Variants in ZNF143 observed in about 807,000 individuals in gnomAD.
ZNF143 encodes zinc finger protein 143.
Under a neutral mutation model 74.1 loss-of-function variants are expected in ZNF143, and 49 were observed. The ratio of observed to expected loss-of-function variants is 0.66; its 90% CI spans 0.53 to 0.84. The LOEUF is 0.84. Ranked by LOEUF, ZNF143 falls within the 40% of genes least tolerant of loss-of-function variation. The pLI is 0.00. For missense variants in ZNF143, 637 were observed against 793.4 expected, an observed-to-expected ratio of 0.80 and a Z score of 2.37; for synonymous variants, 304 against 282.8, an observed-to-expected ratio of 1.07 and a Z score of -0.75.
intron 7 of ZNF143, among the ~76,000 whole-genome samples, chr11:9,486,363 TTATATATAATATATTATATATATAA>T (rs1213726315): frequency 9.9e-4 from 41 of 41,246 alleles, no homozygotes; most frequent in African/African-American, 4.4e-3. Flanking sequence ...TATATATATA[TTATATATAATATATTATATATATAA>T]TATATATAAT....
chr11:9,462,963 T>C (rs1297174082), intron 1 of ZNF143, among the ~76,000 whole-genome samples: 2 of 152,176 alleles, frequency 1.3e-5, no homozygotes, highest in African/African-American at 4.8e-5. Context: ...AAAGAAACTA[T>C]ACCCGTTAGC....
chr11:9,496,419 G>C, intron 9 of ZNF143, 41 bp downstream of exon 9: 1 of 1,559,274 alleles, frequency 6.4e-7, no homozygotes, highest in African/African-American at 1.4e-5. Context: ...TTCCAATTAG[G>C]GGTCAAGTAG....
At chr11:9,515,312 G>C (rs1479549562) in intron 13 of ZNF143, among the ~76,000 whole-genome samples, 1 of 151,908 alleles carries the variant, frequency 6.6e-6, no homozygotes, top group Non-Finnish European at 1.5e-5. Context: ...GAAAAATAAG[G>C]ATCTAAATTA....
intron 15 of ZNF143, among the ~76,000 whole-genome samples, chr11:9,525,696 T>C (rs998029702): frequency 1.3e-5 from 2 of 152,122 alleles, no homozygotes; most frequent in East Asian, 3.9e-4. Context: ...CAGGGGTCTG[T>C]AAAGCACTTA....
intron 15 of ZNF143, among the ~76,000 whole-genome samples, chr11:9,526,149 A>G (rs1849119191): frequency 6.6e-6 from 1 of 151,988 alleles, no homozygotes; most frequent in Admixed American, 6.6e-5. Flanking sequence ...ATCTCAAAAA[A>G]TAAGAGACCA....
At chr11:9,491,639 A>G (rs1454476261) in intron 7 of ZNF143, among the ~76,000 whole-genome samples, 2 of 148,996 alleles carry the variant, frequency 1.3e-5, no homozygotes, top group Non-Finnish European at 3.0e-5. Flanking sequence ...CTCCGTCTCA[A>G]AAAAAAAAAA....
At chr11:9,467,737 C>T (rs1268442858) in intron 1 of ZNF143, among the ~76,000 whole-genome samples, 1 of 151,244 alleles carries the variant, frequency 6.6e-6, no homozygotes, top group Non-Finnish European at 1.5e-5. Flanking sequence ...ATCCCAGTTA[C>T]TCAGGAGGCT....
At chr11:9,472,615 A>G (rs539403931) in intron 2 of ZNF143, 62 bp from the exon 3 acceptor site, 1 of 1,428,932 alleles carries the variant, frequency 7.0e-7, no homozygotes, top group East Asian at 2.3e-5. Context: ...ATTTGAAAAA[A>G]AAATTAATCA....
In ZNF143 at chr11:9,464,899, G is replaced by A. The variant is rs140483529; in HGVS notation, c.-8+3823G>A. On this transcript the variant is annotated intron_variant, in intron 1 of 15. Transcript: ENST00000396602. ...GATCGCGTCACTGTATTCCAGCCTG[G>A]GCGACAGAGGGAGACTCTGTCTCAA... Among the ~76,000 whole-genome samples the A allele has an allele frequency of 4.9e-3, 747 of 152,078 alleles. 6 individuals are homozygous for A. Among genetic ancestry groups the A allele is most frequent in the African/African-American group, 0.017 (717 of 41,474 alleles).
chr11:9,484,518 A>G (rs1031948661), intron 7 of ZNF143, among the ~76,000 whole-genome samples: 1 of 149,296 alleles, frequency 6.7e-6, no homozygotes, highest in African/African-American at 2.5e-5. Context: ...CCCAGCCTGA[A>G]CCTTGCTTTT....
intron 8 of ZNF143, 109 bp downstream of exon 8, chr11:9,494,874 A>C: frequency 8.6e-7 from 1 of 1,156,336 alleles, no homozygotes; most frequent in Non-Finnish European, 1.2e-6. Flanking sequence ...CCAGTTATCA[A>C]GATACTGGCA....
Position 9,528,152 on chromosome 11 carries a change from T to A in ZNF143, c.*539T>A, listed in dbSNP as rs1396134925. On this transcript the variant is annotated 3_prime_UTR_variant, in exon 16 of 16. Coordinates refer to ENST00000396602, the MANE Select transcript of ZNF143 (RefSeq NM_003442.6). Reference sequence around the variant, plus strand: ...ATGGTTTGCAGACTGTTTGAATAATTTATAGTTTCCCATCCCTGTTAAAAA... The same window carrying A: ...ATGGTTTGCAGACTGTTTGAATAATATATAGTTTCCCATCCCTGTTAAAAA... The A allele has an allele frequency of 6.6e-6, 1 of 152,634 alleles. No homozygotes were observed. The highest frequency in any genetic ancestry group is 1.5e-5 in the Non-Finnish European group (1 of 68,034). The allele number at this position is 152,634 out of a possible 1,614,324, so 9.5% of individuals were successfully genotyped here.
At chr11:9,522,996 T>G (rs1848992549) in intron 14 of ZNF143, among the ~76,000 whole-genome samples, 1 of 152,102 alleles carries the variant, frequency 6.6e-6, no homozygotes, top group Non-Finnish European at 1.5e-5. Flanking sequence ...CTCGAACTCC[T>G]GACCTCAGGT....
chr11:9,501,040 A>G (rs1848139520), intron 10 of ZNF143, 51 bp from the exon 11 acceptor site: 1 of 1,589,504 alleles, frequency 6.3e-7, no homozygotes, highest in South Asian at 1.1e-5. Context: ...AGACATTTTA[A>G]TCCTCTATAT....
Position 9,527,949 on chromosome 11 carries a change from G to A in ZNF143, c.*336G>A, listed in dbSNP as rs1443427290. ...TCTTATGATGGATTTTTAACTTCCC[G>A]TGGAAAAAAAAATAAAGGCTGTATC... On this transcript the variant is annotated 3_prime_UTR_variant, in exon 16 of 16. Transcript: ENST00000396602. 2.4e-5 allele frequency: 4 copies of A among 168,458 alleles called. No individual in the cohort carries two copies. The highest frequency in any genetic ancestry group is 1.3e-4 in the Admixed American group (2 of 15,896). The allele number at this position is 168,458 out of a possible 1,614,324, so 10.4% of individuals were successfully genotyped here.
intron 1 of ZNF143, among the ~76,000 whole-genome samples, chr11:9,462,551 C>T (rs972680121): frequency 1.5e-5 from 2 of 134,814 alleles, no homozygotes; most frequent in Non-Finnish European, 3.4e-5. Flanking sequence ...TGACAGAGAC[C>T]GGTCTCGAAA....
At chr11:9,525,158 T>G in intron 14 of ZNF143, 82 bp from the exon 15 acceptor site, 2 of 1,506,494 alleles carry the variant, frequency 1.3e-6, no homozygotes, top group Non-Finnish European at 1.8e-6. Flanking sequence ...TTTGAAGAAA[T>G]CCATTGTATT....
At chr11:9,480,367 C>A (rs907649561) in intron 7 of ZNF143, among the ~76,000 whole-genome samples, 1 of 152,044 alleles carries the variant, frequency 6.6e-6, no homozygotes, top group African/African-American at 2.4e-5. Context: ...GCAATTTTCT[C>A]TAATATTTTG....
Position 9,478,446 on chromosome 11 carries a change from T to C in ZNF143, c.430T>C (p.Tyr144His), listed in dbSNP as rs1847106179. The change falls in exon 6 of 16, where the codon TAT (tyrosine) becomes CAT (histidine). Residue 144 changes from tyrosine to histidine, a missense_variant. By Grantham distance (83) the Tyr-to-His change is moderately conservative (BLOSUM62 2). This residue lies in a region of ZNF143 where 293 missense variants were observed against 307.8 expected (regional missense o/e 0.95). Transcript: ENST00000396602. ...TCAGCTGGAAGATGGTACCACAGCT[T>C]ATATCCACCATGCAGTGCAAGTCCC... is the stretch of plus-strand genomic sequence containing the variant. ...AVQLEDGTTA[Y>H]IHHAVQVPQS... 1 of 1,614,150 alleles carries C rather than the reference T, an allele frequency of 6.2e-7. No homozygotes were observed. The highest frequency in any genetic ancestry group is 8.5e-7 in the Non-Finnish European group (1 of 1,180,036).
Sources: gnomAD v4.1 joint callset for allele counts (sites outside exome capture counted in the v4.1 genomes callset) on GRCh38, gnomAD v4.1.1 for gene constraint, gnomAD v4.1.1 regional missense constraint, MANE v1.5 for transcripts, NCBI Gene and HGNC (gene_info 2026-07-23, HGNC 2026-07-21) for gene names.